The following KBTBD12 variants were observed in gnomAD, a reference collection of about 807,000 sequenced individuals.
KBTBD12 encodes the protein kelch repeat and BTB domain containing 12, also known as kelch repeat and BTB domain-containing protein 12.
KBTBD12 carries 53 observed loss-of-function variants against 58.7 expected under a neutral mutation model. The observed-to-expected ratio is 0.90, with a 90% CI of 0.72 to 1.14. KBTBD12 has a LOEUF of 1.14. Ranked by LOEUF, KBTBD12 falls within the 50% of genes most tolerant of loss-of-function variation. The probability of loss-of-function intolerance (pLI) is 0.00; values close to 1 mark genes in which losing one functional copy is unlikely to be tolerated. For synonymous variants in KBTBD12, 236 were observed against 259.8 expected (o/e 0.91, Z 0.88); for missense variants, 704 against 751.3 (o/e 0.94, Z 0.74).
chr3:127,965,563 C>T (rs1316918456), intron 5 of KBTBD12, among the ~76,000 whole-genome samples: 1 of 152,086 alleles, frequency 6.6e-6, no homozygotes, highest in Admixed American at 6.6e-5. Flanking sequence ...TTCAGAAAAC[C>T]ACAGTTGAGA....
chr3:127,946,591 A>G (rs7633372), intron 4 of KBTBD12, among the ~76,000 whole-genome samples: 1 of 151,994 alleles, frequency 6.6e-6, no homozygotes, highest in Admixed American at 6.5e-5. Flanking sequence ...TTGACTATGA[A>G]CTGCCTAAGT....
chr3:127,944,656 C>T (rs1940030777), intron 4 of KBTBD12, among the ~76,000 whole-genome samples: 1 of 152,030 alleles, frequency 6.6e-6, no homozygotes, highest in African/African-American at 2.4e-5. Flanking sequence ...GTGTGGGTGG[C>T]TTTTACTTCT....
At chr3:127,946,435 T>G (rs1576382098) in intron 4 of KBTBD12, among the ~76,000 whole-genome samples, 1 of 152,226 alleles carries the variant, frequency 6.6e-6, no homozygotes, top group Admixed American at 6.5e-5. Context: ...TGTCAGCACT[T>G]TAATATGTCA....
intron 4 of KBTBD12, among the ~76,000 whole-genome samples, chr3:127,957,983 G>A (rs1940352483): frequency 6.6e-6 from 1 of 152,210 alleles, no homozygotes; most frequent in African/African-American, 2.4e-5. Context: ...CCTTGAAAGA[G>A]GAGTAGGGGT....
At chr3:127,938,702 G>A (rs1939879366) in intron 4 of KBTBD12, among the ~76,000 whole-genome samples, 2 of 152,062 alleles carry the variant, frequency 1.3e-5, no homozygotes, top group South Asian at 4.1e-4. Flanking sequence ...TACATTTTAG[G>A]TAAATTCTAA....
chr3:127,955,477 G>T (rs556727624), intron 4 of KBTBD12, among the ~76,000 whole-genome samples: 1 of 152,286 alleles, frequency 6.6e-6, no homozygotes, highest in South Asian at 2.1e-4. Context: ...CTTTATTGTG[G>T]TAAGATTTTA....
chr3:127,964,247 G>T (rs890035009), intron 5 of KBTBD12, among the ~76,000 whole-genome samples: 5 of 152,074 alleles, frequency 3.3e-5, no homozygotes, highest in Admixed American at 1.3e-4. Flanking sequence ...TTAGAATTTT[G>T]GAAGAATGCC....
At chr3:127,922,757 G>A (rs990463122) in intron 1 of KBTBD12, among the ~76,000 whole-genome samples, 193 bp from the exon 2 acceptor site, 1 of 152,114 alleles carries the variant, frequency 6.6e-6, no homozygotes, top group Non-Finnish European at 1.5e-5. Context: ...AGGAGAATTT[G>A]TCACAGCAGT....
intron 4 of KBTBD12, among the ~76,000 whole-genome samples, chr3:127,947,274 C>T (rs928473019): frequency 7.2e-5 from 11 of 152,136 alleles, no homozygotes; most frequent in Non-Finnish European, 1.3e-4. Flanking sequence ...GGACTGATTC[C>T]CTCAGTCCAA....
chr3:127,948,550 G>T lies in KBTBD12; in HGVS notation c.1493-14639G>T, dbSNP rs140883577. 3.8e-3 allele frequency among the ~76,000 whole-genome samples: 580 copies of T among 152,304 alleles called. 5 individuals are homozygous for T. The highest frequency in any genetic ancestry group is 0.013 in the African/African-American group (550 of 41,570). On this transcript the variant is annotated intron_variant, in intron 4 of 5. Coordinates refer to ENST00000405109, the MANE Select transcript of KBTBD12 (RefSeq NM_207335.4). ...ATTCTGTGATGTTTTTCCATAACTG[G>T]AAGAGTGGGATAAAGCACAGACAAA... is the stretch of plus-strand genomic sequence containing the variant.
intron 4 of KBTBD12, among the ~76,000 whole-genome samples, chr3:127,953,441 T>C (rs139223127): frequency 5.0e-4 from 76 of 152,356 alleles, no homozygotes; most frequent in Non-Finnish European, 7.5e-4. Flanking sequence ...CACATTTTCA[T>C]GTAAGGAACT....
At chr3:127,935,892 A>G (rs1200981512) in intron 4 of KBTBD12, among the ~76,000 whole-genome samples, 1 of 152,234 alleles carries the variant, frequency 6.6e-6, no homozygotes, top group Non-Finnish European at 1.5e-5. Flanking sequence ...AAGACATAAA[A>G]TGCAAAAAGT....
chr3:127,927,823 T>C lies in KBTBD12; in HGVS notation c.1130T>C (p.Leu377Pro), dbSNP rs1197410954. Residue 377 changes from leucine to proline, a missense_variant, in exon 3 of 6, where the codon CTC becomes CCC. Leu to Pro is a moderately conservative substitution (Grantham distance 98). Coordinates refer to ENST00000405109, the MANE Select transcript of KBTBD12 (RefSeq NM_207335.4). ...TTATGCACAGCTGAATTTCGAGAAC[T>C]CTATGCTCTGGGCAGTATTCATAAT... ...EKLCTAEFRE[L>P]YALGSIHNDL... The C allele has an allele frequency of 6.2e-7, 1 of 1,603,468 alleles. No homozygotes were observed. Among genetic ancestry groups the C allele is most frequent in the Admixed American group, 1.7e-5 (1 of 58,298 alleles).
chr3:127,925,663 C>T (rs1028254881), intron 2 of KBTBD12, among the ~76,000 whole-genome samples: 2 of 152,150 alleles, frequency 1.3e-5, no homozygotes, highest in Admixed American at 6.5e-5. Context: ...ACCAGGTTCC[C>T]ATCACCAACC....
At chr3:127,937,709 G>A (rs1339852919) in intron 4 of KBTBD12, among the ~76,000 whole-genome samples, 1 of 152,012 alleles carries the variant, frequency 6.6e-6, no homozygotes, top group East Asian at 1.9e-4. Flanking sequence ...CAAAAATAGT[G>A]AATGCCAAGC....
chr3:127,947,594 A>C (rs992514555), intron 4 of KBTBD12, among the ~76,000 whole-genome samples: 3 of 152,230 alleles, frequency 2.0e-5, no homozygotes, highest in Non-Finnish European at 4.4e-5. Context: ...TATACCATGC[A>C]GCTGTGAGAG....
At chr3:127,943,825 T>C (rs1336488006) in intron 4 of KBTBD12, among the ~76,000 whole-genome samples, 1 of 152,212 alleles carries the variant, frequency 6.6e-6, no homozygotes, top group Non-Finnish European at 1.5e-5. Flanking sequence ...TCAGGTCTTA[T>C]GTTTAAGTCT....
intron 5 of KBTBD12, among the ~76,000 whole-genome samples, chr3:127,975,944 A>G (rs774166064): frequency 1.3e-5 from 2 of 152,234 alleles, no homozygotes; most frequent in African/African-American, 2.4e-5. Context: ...AAATAATTTT[A>G]AACTTACAGA....
chr3:127,923,195 A>G lies in KBTBD12; in HGVS notation c.134A>G (p.His45Arg), dbSNP rs1939463910. 6.2e-7 allele frequency: 1 copy of G among 1,613,898 alleles called. No individual in the cohort carries two copies. Among genetic ancestry groups the G allele is most frequent in the Non-Finnish European group, 8.5e-7 (1 of 1,179,784 alleles). ...GCAGAAGGAGAGAAATTTCCTTGCC[A>G]CAGACTGGTCCTGGCTGCATTTAGC... ...LTAEGEKFPCHRLVLAAFSPY... is the reference protein window; with the variant it reads ...LTAEGEKFPCRRLVLAAFSPY... Residue 45 changes from histidine to arginine, a missense_variant, in exon 2 of 6, where the codon CAC becomes CGC. Physicochemically the swap from His to Arg is conservative, Grantham distance 29 (BLOSUM62 0). Coordinates refer to ENST00000405109, the MANE Select transcript of KBTBD12 (RefSeq NM_207335.4).
Sources: allele counts gnomAD v4.1 joint callset (sites outside exome capture counted in the v4.1 genomes callset), GRCh38; gene constraint gnomAD v4.1.1; transcripts MANE v1.5; gene names NCBI Gene and HGNC (gene_info 2026-07-23, HGNC 2026-07-21).